Variants in PSMA1 observed in about 807,000 individuals in gnomAD.
PSMA1 encodes the protein proteasome 20S subunit alpha 1.
PSMA1 carries 3 observed loss-of-function variants against 38.4 expected under a neutral mutation model. The ratio of observed to expected loss-of-function variants is 0.08; its 90% CI spans 0.04 to 0.20. PSMA1 has a LOEUF of 0.20. Among genes scored for constraint, PSMA1 ranks in the 10% least tolerant of loss-of-function variants. PSMA1 has a pLI of 1.00. For missense variants in PSMA1, 227 were observed against 325.3 expected, an observed-to-expected ratio of 0.70 and a Z score of 2.32; for synonymous variants, 101 against 107.1, an observed-to-expected ratio of 0.94 and a Z score of 0.35.
intron 1 of PSMA1, among the ~76,000 whole-genome samples, chr11:14,639,803 TTATATTCACCTTTTAATATCAAGCC>T (rs906821161): frequency 6.6e-6 from 1 of 152,202 alleles, no homozygotes; most frequent in Non-Finnish European, 1.5e-5. Flanking sequence ...CTTAGGTAAC[TTATATTCACCTTTTAATATCAAGCC>T]TAGAAATCAC....
chr11:14,633,123 T>G (rs1210523791), intron 1 of PSMA1, among the ~76,000 whole-genome samples: 21 of 152,318 alleles, frequency 1.4e-4, no homozygotes, highest in African/African-American at 4.3e-4. Flanking sequence ...ATCTGAAGCC[T>G]TCTTCTCTCA....
chr11:14,511,507 C>T (rs1482299637), intron 7 of PSMA1, among the ~76,000 whole-genome samples: 1 of 132,776 alleles, frequency 7.5e-6, no homozygotes, highest in South Asian at 2.7e-4. Context: ...AGTTTAACAA[C>T]TGAAAGTCAG....
chr11:14,633,886 G>A lies in PSMA1; in HGVS notation c.-166+9569C>T, dbSNP rs577183802. On this transcript the variant is annotated intron_variant, in intron 1 of 10. Coordinates refer to the PSMA1 transcript ENST00000418988. ...TCGGAAAAGCGCAGTATTAGGGTGG[G>A]AGTGACCCGATTTTCCAGGTGCCGT... Among the ~76,000 whole-genome samples the A allele has an allele frequency of 1.0e-3, 152 of 152,272 alleles. 1 individual carries two copies. Among genetic ancestry groups the A allele is most frequent in the Non-Finnish European group, 1.7e-3 (114 of 68,026 alleles).
chr11:14,561,896 A>C (rs1387849249), intron 2 of PSMA1, among the ~76,000 whole-genome samples: 5 of 152,192 alleles, frequency 3.3e-5, no homozygotes, highest in African/African-American at 9.6e-5. Context: ...GGCAGTGTTG[A>C]AGCTAACAAT....
intron 8 of PSMA1, among the ~76,000 whole-genome samples, chr11:14,510,070 A>C (rs1851318412): frequency 6.6e-6 from 1 of 152,124 alleles, no homozygotes; most frequent in African/African-American, 2.4e-5. Flanking sequence ...TTAAAACCTA[A>C]ACCAAATCAT....
upstream of PSMA1, among the ~76,000 whole-genome samples, chr11:14,523,174 A>G (rs535508604): frequency 8.5e-5 from 13 of 152,306 alleles, no homozygotes; most frequent in African/African-American, 2.2e-4. Flanking sequence ...GTTAAGAATG[A>G]AAGTCCCAAG....
intron 2 of PSMA1, among the ~76,000 whole-genome samples, chr11:14,571,361 C>A (rs1852138136): frequency 6.6e-6 from 1 of 152,096 alleles, no homozygotes; most frequent in African/African-American, 2.4e-5. Context: ...TCGTGCCAGG[C>A]CTCAACATTC....
intron 2 of PSMA1, among the ~76,000 whole-genome samples, chr11:14,576,390 T>C (rs1303066181): frequency 1.3e-5 from 2 of 152,230 alleles, no homozygotes; most frequent in Non-Finnish European, 2.9e-5. Context: ...CTAGGTTTTC[T>C]TCTAGGGTTT....
intron 1 of PSMA1, among the ~76,000 whole-genome samples, chr11:14,630,328 A>T (rs1471008273): frequency 1.3e-5 from 2 of 152,160 alleles, no homozygotes; most frequent in Non-Finnish European, 2.9e-5. Context: ...TATTATTTTG[A>T]GATACGTCCC....
intron 2 of PSMA1, among the ~76,000 whole-genome samples, chr11:14,567,940 C>T (rs1180784599): frequency 6.6e-6 from 1 of 152,152 alleles, no homozygotes; most frequent in African/African-American, 2.4e-5. Context: ...GCCCTGTAGG[C>T]TGTGAGTTCA....
At chr11:14,525,465 G>T (rs533431413) in intron 2 of PSMA1, among the ~76,000 whole-genome samples, 26 of 152,120 alleles carry the variant, frequency 1.7e-4, no homozygotes, top group African/African-American at 6.3e-4. Flanking sequence ...CCCACAGCAC[G>T]CTTTTAAAGG....
chr11:14,599,383 C>A (rs2134192923), intron 2 of PSMA1, among the ~76,000 whole-genome samples: 1 of 152,318 alleles, frequency 6.6e-6, no homozygotes, highest in Non-Finnish European at 1.5e-5. Context: ...ACCAATCAGA[C>A]ATAGATGTGG....
chr11:14,583,783 T>C (rs549013312), intron 2 of PSMA1, among the ~76,000 whole-genome samples: 142 of 152,312 alleles, frequency 9.3e-4, no homozygotes, highest in African/African-American at 3.2e-3. Flanking sequence ...CAAACATAAG[T>C]TAAAGTCCCT....
At chr11:14,565,350 T>A (rs1852057094) in intron 2 of PSMA1, among the ~76,000 whole-genome samples, 1 of 152,188 alleles carries the variant, frequency 6.6e-6, no homozygotes, top group Admixed American at 6.5e-5. Flanking sequence ...AGCTCTTAGT[T>A]TTGTTAATTT....
intron 2 of PSMA1, among the ~76,000 whole-genome samples, chr11:14,552,361 T>C (rs1389846524): frequency 6.6e-6 from 1 of 152,228 alleles, no homozygotes; most frequent in Non-Finnish European, 1.5e-5. Context: ...GCTGAATTTC[T>C]CTCCAGCTCA....
At chr11:14,519,928 G>A in intron 1 of PSMA1, 1 of 255,152 alleles carries the variant, frequency 3.9e-6, no homozygotes, top group East Asian at 7.7e-5. Flanking sequence ...CCGCACTGGT[G>A]GTACAGGTAG....
intron 2 of PSMA1, among the ~76,000 whole-genome samples, chr11:14,583,863 C>A (rs983390481): frequency 6.6e-6 from 1 of 152,160 alleles, no homozygotes; most frequent in African/African-American, 2.4e-5. Flanking sequence ...TTTTCCCACA[C>A]CCCTGCTTCT....
At chr11:14,561,358 A>G (rs749679146) in intron 2 of PSMA1, among the ~76,000 whole-genome samples, 11 of 152,120 alleles carry the variant, frequency 7.2e-5, no homozygotes, top group Admixed American at 2.6e-4. Flanking sequence ...ACATCTCCAC[A>G]TAGTTGCCTG....
chr11:14,592,289 C>T lies in PSMA1; in HGVS notation c.21+18677G>A, dbSNP rs1442836329. Among the ~76,000 whole-genome samples the T allele has an allele frequency of 4.6e-5, 7 of 152,216 alleles. 1 individual carries two copies. The highest frequency in any genetic ancestry group is 3.9e-4 in the East Asian group (2 of 5,184). On this transcript the variant is annotated intron_variant, in intron 2 of 10. Coordinates refer to the PSMA1 transcript ENST00000418988. ...GGACACACCAGGACCTTCCGCTGCT[C>T]GCTCCTCCTCGTCCCTTCTACCCGC...
Sources: allele counts gnomAD v4.1 joint callset (sites outside exome capture counted in the v4.1 genomes callset), GRCh38; gene constraint gnomAD v4.1.1; transcripts MANE v1.5; gene names NCBI Gene and HGNC (gene_info 2026-07-23, HGNC 2026-07-21).